Variants in NT5C3A observed in about 807,000 individuals in gnomAD.
NT5C3A encodes the protein cytosolic 5'-nucleotidase 3A.
A neutral mutation model predicts 40.0 loss-of-function variants in NT5C3A; 23 were observed. The ratio of observed to expected loss-of-function variants is 0.58; its 90% CI spans 0.41 to 0.81. The LOEUF (loss-of-function observed/expected upper bound fraction) is 0.81. Among genes scored for constraint, NT5C3A ranks in the 40% least tolerant of loss-of-function variants. The pLI, the probability that NT5C3A is intolerant of heterozygous loss-of-function variation, is 0.00. For missense variants in NT5C3A, 328 were observed against 403.0 expected (o/e 0.81, Z 1.59); for synonymous variants, 130 against 141.4 (o/e 0.92, Z 0.57).
At chr7:33,042,906 T>C (rs7778958) in intron 1 of NT5C3A, among the ~76,000 whole-genome samples, 110,251 of 152,130 alleles carry the variant, frequency 0.72, 40,223 homozygotes, top group African/African-American at 0.79. Context: ...AAGAGGTGAA[T>C]AAGCTGTGAT....
rs1309696404 is a variant in NT5C3A, at chr7:33,015,568, G to T, written c.894+102C>A. 1.4e-4 allele frequency: 99 copies of T among 730,952 alleles called. No individual in the cohort carries two copies. In the East Asian group the frequency reaches 2.6e-3, roughly 19 times the overall value. The allele number at this position is 730,952 out of a possible 1,614,324, so 45.3% of individuals were successfully genotyped here. The stretch of plus-strand genomic sequence containing the variant: ...ACAGAGGCTTGTCTCAAAAAAAAAA[G>T]TCTCTAAAATAACTACTTTCTCAGG... On this transcript the variant is annotated intron_variant, in intron 8 of 8. Transcript: ENST00000610140.
At chr7:33,049,181 T>C (rs1342326656) in intron 1 of NT5C3A, among the ~76,000 whole-genome samples, 1 of 146,278 alleles carries the variant, frequency 6.8e-6, no homozygotes, top group African/African-American at 2.8e-5. Context: ...TAAGAACATA[T>C]TCTTTATTAA....
intron 1 of NT5C3A, among the ~76,000 whole-genome samples, chr7:33,033,243 T>C (rs965902396): frequency 6.6e-6 from 1 of 152,228 alleles, no homozygotes; most frequent in Non-Finnish European, 1.5e-5. Context: ...AAGTAGGCAC[T>C]AGAGTTTTTA....
intron 1 of NT5C3A, among the ~76,000 whole-genome samples, chr7:33,057,651 A>C (rs1244313095): frequency 6.6e-6 from 1 of 152,238 alleles, no homozygotes; most frequent in African/African-American, 2.4e-5. Context: ...AATTGTTGAG[A>C]TATGTTTAAA....
At chr7:33,044,379 G>C (rs1052694518) in intron 1 of NT5C3A, among the ~76,000 whole-genome samples, 1 of 96,250 alleles carries the variant, frequency 1.0e-5, no homozygotes, top group Non-Finnish European at 2.1e-5. Context: ...AATAGCTCTA[G>C]GGCACTTAAA....
chr7:33,024,167 C>A, intron 2 of NT5C3A, 59 bp from the exon 3 acceptor site: 1 of 931,206 alleles, frequency 1.1e-6, no homozygotes, highest in East Asian at 2.4e-5. Context: ...CAGAATTTCT[C>A]TGTGCTACCC....
Position 33,014,397 on chromosome 7 carries a change from T to A in NT5C3A, c.*333A>T, listed in dbSNP as rs1785211323. 2.2e-6 allele frequency: 1 copy of A among 460,468 alleles called. No individual in the cohort carries two copies. Among genetic ancestry groups the A allele is most frequent in the African/African-American group, 2.0e-5 (1 of 50,250 alleles). The allele number at this position is 460,468 out of a possible 1,614,324, so 28.5% of individuals were successfully genotyped here. A position where few individuals can be genotyped will look rare whatever the true frequency, so the allele number is the denominator to read the frequency against. On this transcript the variant is annotated 3_prime_UTR_variant, in exon 9 of 9. Coordinates refer to ENST00000610140, the MANE Select transcript of NT5C3A (RefSeq NM_001002010.5). Reference sequence around the variant, plus strand: ...CCATTTCATAAAACTTATTTTAAAATTTCTACAAACTTTCCCAGTGTAAAA... The same window carrying A: ...CCATTTCATAAAACTTATTTTAAAAATTCTACAAACTTTCCCAGTGTAAAA...
At chr7:33,034,536 A>T (rs1786474702) in intron 1 of NT5C3A, among the ~76,000 whole-genome samples, 1 of 152,252 alleles carries the variant, frequency 6.6e-6, no homozygotes, top group Non-Finnish European at 1.5e-5. Context: ...ATCAAGTGCC[A>T]ATCCTTCAAT....
intron 1 of NT5C3A, among the ~76,000 whole-genome samples, chr7:33,034,715 G>A (rs1026964101): frequency 1.3e-5 from 2 of 152,146 alleles, no homozygotes; most frequent in South Asian, 4.1e-4. Flanking sequence ...ACACTGGTTG[G>A]GGGAAAGATG....
At chr7:33,028,435 T>C (rs1786067788) in intron 1 of NT5C3A, among the ~76,000 whole-genome samples, 1 of 152,176 alleles carries the variant, frequency 6.6e-6, no homozygotes, top group African/African-American at 2.4e-5. Context: ...ACAATACAAC[T>C]AGAAGGAGAA....
chr7:33,021,233 A>AT (rs751314960), intron 5 of NT5C3A, 39 bp downstream of exon 5: 107 of 1,577,760 alleles, frequency 6.8e-5, no homozygotes, highest in South Asian at 1.9e-4. Flanking sequence ...TTGTTTTATT[A>AT]TTTTTTTTTA....
At chr7:33,015,481 T>C (rs939420013) in intron 8 of NT5C3A, among the ~76,000 whole-genome samples, 189 bp downstream of exon 8, 12 of 152,052 alleles carry the variant, frequency 7.9e-5, no homozygotes, top group African/African-American at 2.7e-4. Flanking sequence ...GAGCATTGCT[T>C]GAGCCGGGAA....
At chr7:33,015,917 G>A (rs1785299053) in intron 7 of NT5C3A, 47 bp from the exon 8 acceptor site, 1 of 1,313,508 alleles carries the variant, frequency 7.6e-7, no homozygotes, top group Non-Finnish European at 1.1e-6. Context: ...AATTCTATTT[G>A]TTGGATTTTC....
chr7:33,015,634 T>A (rs774958055), intron 8 of NT5C3A, 36 bp downstream of exon 8: 1 of 1,381,984 alleles, frequency 7.2e-7, no homozygotes, highest in East Asian at 2.3e-5. Flanking sequence ...CATCCTAATA[T>A]TTTCTTCGAA....
rs34501041 is a variant in NT5C3A at position 33,032,423 on chromosome 7, C to CAAAA, written c.139-5512_139-5509dup. Among the ~76,000 whole-genome samples, 170 of 94,808 alleles carry CAAAA rather than the reference C, an allele frequency of 1.8e-3. 1 individual carries two copies. Among genetic ancestry groups the CAAAA allele is most frequent in the Middle Eastern group, 8.6e-3 (1 of 116 alleles). The allele number at this position is 94,808 out of a possible 152,430, so 62.2% of individuals were successfully genotyped here. On this transcript the variant is annotated intron_variant, in intron 1 of 8. Transcript: ENST00000610140. ...GGGTGACAGAGTGAGACTCGGTCTC[C>CAAAA]AAAAAAAAAAAAAAAAAAATTTACT... is the stretch of plus-strand genomic sequence containing the variant.
chr7:33,014,469 T>C lies in NT5C3A; in HGVS notation c.*261A>G, dbSNP rs982734683. The C allele has an allele frequency of 9.7e-6, 5 of 514,078 alleles. No homozygotes were observed. Among genetic ancestry groups the C allele is most frequent in the Non-Finnish European group, 1.9e-5 (5 of 268,900 alleles). The allele number at this position is 514,078 out of a possible 1,614,324, so 31.8% of individuals were successfully genotyped here. On this transcript the variant is annotated 3_prime_UTR_variant, in exon 9 of 9. Transcript: ENST00000610140. Reference sequence around the variant, plus strand: ...TAACATTAAACTACAAAATTCACTTTGGAAAAGTAGGGAGTTATTTTTCTA... The same window carrying C: ...TAACATTAAACTACAAAATTCACTTCGGAAAAGTAGGGAGTTATTTTTCTA...
chr7:33,017,012 A>G (rs902372279), intron 7 of NT5C3A, among the ~76,000 whole-genome samples: 1 of 151,786 alleles, frequency 6.6e-6, no homozygotes, highest in African/African-American at 2.4e-5. Context: ...GTGAAACCCT[A>G]TCTCTACCAA....
At chr7:33,037,057 G>A (rs1451494160) in intron 1 of NT5C3A, among the ~76,000 whole-genome samples, 1 of 152,078 alleles carries the variant, frequency 6.6e-6, no homozygotes, top group Non-Finnish European at 1.5e-5. Context: ...TGATCCACCC[G>A]CCTCTGCCTC....
In NT5C3A at chr7:33,016,094, G is replaced by C. The variant is rs910722262; in HGVS notation, c.694-224C>G. ...ATACTATTTTAAATGGTAAAACAAA[G>C]GCCGGGCGCAGGGGCTCACACCTGT... On this transcript the variant is annotated intron_variant, in intron 7 of 8. Transcript: ENST00000610140. Among the ~76,000 whole-genome samples, 4 of 152,154 alleles carry C rather than the reference G, an allele frequency of 2.6e-5. No individual in the cohort carries two copies. In the East Asian group the frequency reaches 7.7e-4, roughly 29 times the overall value.
Sources: allele counts gnomAD v4.1 joint callset (sites outside exome capture counted in the v4.1 genomes callset), GRCh38; gene constraint gnomAD v4.1.1; transcripts MANE v1.5; gene names NCBI Gene and HGNC (gene_info 2026-07-23, HGNC 2026-07-21).